The following RNF4 variants were observed in gnomAD, a reference collection of about 807,000 sequenced individuals.
RNF4 encodes the protein E3 ubiquitin-protein ligase RNF4.
In RNF4, 7 loss-of-function variants were observed where a neutral mutation model predicts 24.3. That is an observed-to-expected ratio of 0.29 (90% CI 0.16 to 0.54). RNF4 has a LOEUF of 0.54. Ranked by LOEUF, RNF4 falls within the 20% of genes least tolerant of loss-of-function variation. The probability of loss-of-function intolerance (pLI) is 0.95; values close to 1 mark genes in which losing one functional copy is unlikely to be tolerated. For synonymous variants in RNF4, 83 were observed against 84.3 expected, an observed-to-expected ratio of 0.98 and a Z score of 0.09; for missense variants, 209 against 248.5, an observed-to-expected ratio of 0.84 and a Z score of 1.07.
At chr4:2,502,016 A>G (rs2108771193) in intron 4 of RNF4, among the ~76,000 whole-genome samples, 1 of 152,294 alleles carries the variant, frequency 6.6e-6, no homozygotes, top group African/African-American at 2.4e-5. Flanking sequence ...TCTGAGGTAC[A>G]TACACACATA....
intron 1 of RNF4, among the ~76,000 whole-genome samples, chr4:2,489,508 C>G (rs1047532232): frequency 6.6e-6 from 1 of 152,142 alleles, no homozygotes; most frequent in Non-Finnish European, 1.5e-5. Context: ...TTGTTAGATA[C>G]GTAAATTGGA....
intron 2 of RNF4, among the ~76,000 whole-genome samples, chr4:2,491,419 A>G (rs1735575630): frequency 6.6e-6 from 1 of 152,128 alleles, no homozygotes; most frequent in South Asian, 2.1e-4. Context: ...TATTTTTAAT[A>G]GAGACCAGTT....
chr4:2,500,721 C>T lies in RNF4; in HGVS notation c.187C>T (p.His63Tyr), dbSNP rs757623642. 1 of 1,613,896 alleles carries T rather than the reference C, an allele frequency of 6.2e-7. No individual in the cohort carries two copies. The highest frequency in any genetic ancestry group is 2.2e-5 in the East Asian group (1 of 44,874). ...SLEPVVVDLT[H>Y]NDSVVIVDER... is the part of the protein sequence containing the mutation. ...AGAGCCTGTGGTGGTTGATCTGACT[C>T]ACAATGACTCTGTTGTGGTAAGTGT... The change falls in exon 4 of 8, where the codon CAC becomes TAC. Residue 63 changes from histidine (H) to tyrosine (Y), a missense_variant. Physicochemically the swap from His to Tyr is moderately conservative, Grantham distance 83 (BLOSUM62 2). Coordinates refer to ENST00000314289, the MANE Select transcript of RNF4 (RefSeq NM_002938.5).
chr4:2,475,773 C>T (rs549400813), intron 1 of RNF4, among the ~76,000 whole-genome samples: 1 of 152,210 alleles, frequency 6.6e-6, no homozygotes, highest in Admixed American at 6.5e-5. Flanking sequence ...TACAGAACCA[C>T]TCTATAAGAT....
intron 4 of RNF4, among the ~76,000 whole-genome samples, chr4:2,501,029 C>T (rs967836246): frequency 2.6e-5 from 4 of 152,350 alleles, no homozygotes; most frequent in Admixed American, 2.6e-4. Context: ...GACCTTGCCA[C>T]ACCTGGGCAC....
chr4:2,505,430 A>AT (rs1736055249), intron 4 of RNF4: 1 of 150,134 alleles, frequency 6.7e-6, no homozygotes, highest in Non-Finnish European at 1.5e-5. Context: ...GGTTCACACC[A>AT]TTCTCCTGCC....
chr4:2,474,984 G>A (rs576420695), intron 1 of RNF4, among the ~76,000 whole-genome samples: 4 of 152,212 alleles, frequency 2.6e-5, no homozygotes, highest in Non-Finnish European at 4.4e-5. Flanking sequence ...CCAAGATTGC[G>A]CCGTTGTACT....
intron 1 of RNF4, 138 bp downstream of exon 1, chr4:2,469,396 T>A (rs1361139501): frequency 6.6e-6 from 1 of 152,202 alleles, no homozygotes; most frequent in Non-Finnish European, 1.5e-5. Context: ...GAGCCAGCTC[T>A]GGTCGCTCGC....
chr4:2,496,949 TC>T, intron 2 of RNF4, 57 bp from the exon 3 acceptor site: 1 of 1,326,558 alleles, frequency 7.5e-7, no homozygotes, highest in Admixed American at 2.2e-5. Context: ...ATTTAGTTCT[TC>T]CTGAAACCCT....
chr4:2,510,567 C>T (rs1736243682), intron 4 of RNF4, among the ~76,000 whole-genome samples: 1 of 152,226 alleles, frequency 6.6e-6, no homozygotes, highest in Non-Finnish European at 1.5e-5. Context: ...CCCTGCCCTG[C>T]CAGTAGCATG....
intron 4 of RNF4, among the ~76,000 whole-genome samples, chr4:2,502,586 C>T (rs1404796259): frequency 2.0e-5 from 3 of 151,306 alleles, no homozygotes; most frequent in Non-Finnish European, 4.4e-5. Context: ...GCAGGAGAAT[C>T]GCTTGAACCC....
intron 1 of RNF4, chr4:2,480,218 C>A (rs1227229911): frequency 2.6e-5 from 4 of 151,788 alleles, no homozygotes; most frequent in African/African-American, 7.3e-5. Flanking sequence ...GCTGGGATTA[C>A]AGGCATGAGC....
chr4:2,509,346 T>C (rs1736200072), intron 4 of RNF4, among the ~76,000 whole-genome samples: 1 of 151,648 alleles, frequency 6.6e-6, no homozygotes, highest in Non-Finnish European at 1.5e-5. Flanking sequence ...GCCTCCCAAG[T>C]AGTTGGGACT....
At chr4:2,509,231 C>G (rs1213258071) in intron 4 of RNF4, among the ~76,000 whole-genome samples, 2 of 151,382 alleles carry the variant, frequency 1.3e-5, no homozygotes, top group Admixed American at 6.6e-5. Context: ...TTCTTTTTTT[C>G]TTTTTGAGAC....
At chr4:2,500,156 CAAA>C (rs5855735) in intron 3 of RNF4, among the ~76,000 whole-genome samples, 19 of 77,184 alleles carry the variant, frequency 2.5e-4, no homozygotes, top group Non-Finnish European at 1.6e-4. Context: ...GACTCTGTCT[CAAA>C]AAAAAAAAAA....
chr4:2,502,933 C>T (rs1735961725), intron 4 of RNF4, among the ~76,000 whole-genome samples: 1 of 152,144 alleles, frequency 6.6e-6, no homozygotes, highest in Non-Finnish European at 1.5e-5. Context: ...TTACTGCAGC[C>T]TCCAACCCCT....
At chr4:2,500,465 A>G (rs1735876587) in intron 3 of RNF4, among the ~76,000 whole-genome samples, 194 bp from the exon 4 acceptor site, 1 of 152,184 alleles carries the variant, frequency 6.6e-6, no homozygotes, top group South Asian at 2.1e-4. Context: ...CACTCAGAGC[A>G]GAATTCTGGA....
chr4:2,493,976 G>A (rs1735656967), intron 2 of RNF4, among the ~76,000 whole-genome samples: 1 of 151,752 alleles, frequency 6.6e-6, no homozygotes, highest in Non-Finnish European at 1.5e-5. Flanking sequence ...CCGAGTAGCT[G>A]GGACTACAGG....
At position 2,498,962 on chromosome 4, in the gene RNF4, C is replaced by T. The variant is rs140359334; in HGVS notation, c.125-1697C>T. ...CTATAATCCCAGCACTTTGGGAGGC[C>T]GAGGCGTGCAGATCACCTGAGGTCA... On this transcript the variant is annotated intron_variant, in intron 3 of 7. Coordinates refer to ENST00000314289, the MANE Select transcript of RNF4 (RefSeq NM_002938.5). Among the ~76,000 whole-genome samples the T allele has an allele frequency of 4.5e-3, 692 of 152,188 alleles. 11 individuals are homozygous for T. The highest frequency in any genetic ancestry group is 0.034 in the East Asian group (173 of 5,140).
Sources: gnomAD v4.1 joint callset for allele counts (sites outside exome capture counted in the v4.1 genomes callset) on GRCh38, gnomAD v4.1.1 for gene constraint, MANE v1.5 for transcripts, NCBI Gene and HGNC (gene_info 2026-07-23, HGNC 2026-07-21) for gene names.